Variants in PHF8 observed in about 807,000 individuals in gnomAD.
PHF8 encodes PHD finger protein 8.
Under a neutral mutation model 74.4 loss-of-function variants are expected in PHF8, and 9 were observed. The ratio of observed to expected loss-of-function variants is 0.12; its 90% confidence interval spans 0.07 to 0.21. The LOEUF (loss-of-function observed/expected upper bound fraction) is 0.21. Among genes scored for constraint, PHF8 ranks in the 10% least tolerant of loss-of-function variants. The pLI is 1.00. For missense variants in PHF8, 478 were observed against 816.6 expected (o/e 0.59, Z 5.05); for synonymous variants, 311 against 316.6 (o/e 0.98, Z 0.19).
rs1277499725 is a variant in PHF8 at position 54,013,897 on chromosome X, C to A, written c.783+480G>T. ...ACAACAACAAAAAAGAAGGTAACAACCAGGAAAACCTCAGGCATCTGCTAT... is the reference window on the plus strand; with the variant it reads ...ACAACAACAAAAAAGAAGGTAACAAACAGGAAAACCTCAGGCATCTGCTAT... On this transcript the variant is annotated intron_variant, in intron 7 of 21. Transcript: ENST00000338154. Among the ~76,000 whole-genome samples, 5 of 111,653 alleles carry A rather than the reference C, an allele frequency of 4.5e-5. No individual in the cohort carries two copies. In the East Asian group the frequency reaches 1.4e-3, roughly 31 times the overall value.
intron 18 of PHF8, among the ~76,000 whole-genome samples, chrX:53,974,780 C>T (rs1000803745): frequency 1.8e-5 from 2 of 111,963 alleles, no homozygotes; most frequent in Non-Finnish European, 3.8e-5. Context: ...GAGCTGGAAG[C>T]TGTTATTCTC....
chrX:53,977,637 C>T (rs1488436146), intron 18 of PHF8, among the ~76,000 whole-genome samples: 3 of 109,066 alleles, frequency 2.8e-5, no homozygotes, highest in Non-Finnish European at 5.7e-5. Flanking sequence ...TTCTGGGAAA[C>T]AGTTCAGTAG....
intron 18 of PHF8, among the ~76,000 whole-genome samples, chrX:53,976,581 C>G (rs782471166): frequency 9.2e-5 from 10 of 108,344 alleles, no homozygotes; most frequent in Non-Finnish European, 1.7e-4. Flanking sequence ...CACTTGAGGT[C>G]AGGAGTTTGA....
chrX:54,008,833 CAAAT>C (rs1213051377), intron 8 of PHF8, among the ~76,000 whole-genome samples: 1 of 111,545 alleles, frequency 9.0e-6, no homozygotes, highest in Non-Finnish European at 1.9e-5. Flanking sequence ...GGCTGGCAGA[CAAAT>C]GAATAAAGAG....
At chrX:54,046,340 T>C (rs1479566342), upstream of PHF8, among the ~76,000 whole-genome samples, 2 of 110,681 alleles carry the variant, frequency 1.8e-5, no homozygotes, top group African/African-American at 6.6e-5. Context: ...ATCCTAGCAC[T>C]TTGGGAGGCC....
At chrX:54,025,128 G>A (rs2066247331) in intron 2 of PHF8, among the ~76,000 whole-genome samples, 1 of 111,213 alleles carries the variant, frequency 9.0e-6, no homozygotes, top group Admixed American at 9.6e-5. Flanking sequence ...CGCCCGCCTC[G>A]GCCTCCCAAA....
intron 8 of PHF8, 67 bp downstream of exon 8, chrX:54,011,055 T>C: frequency 1.0e-6 from 1 of 965,622 alleles, no homozygotes; most frequent in Non-Finnish European, 1.5e-6. Flanking sequence ...TAATATGCTG[T>C]GGGGCCAAAA....
chrX:53,992,976 C>T (rs1295249018), intron 13 of PHF8, 137 bp from the exon 14 acceptor site: 2 of 503,435 alleles, frequency 4.0e-6, no homozygotes, highest in Admixed American at 2.7e-5. Context: ...ACTGTCCCCC[C>T]ATACCCCCAC....
At chrX:54,042,507 C>A in intron 2 of PHF8, 124 bp downstream of exon 2, 3 of 581,768 alleles carry the variant, frequency 5.2e-6, no homozygotes, top group Non-Finnish European at 8.6e-6. Flanking sequence ...GGAGAGATGG[C>A]AGAACCTGAG....
intron 2 of PHF8, among the ~76,000 whole-genome samples, chrX:54,035,597 C>T (rs2066439647): frequency 9.2e-6 from 1 of 109,153 alleles, no homozygotes; most frequent in Admixed American, 9.9e-5. Flanking sequence ...TCCCAGGCAA[C>T]AAAGGGAGGT....
intron 7 of PHF8, among the ~76,000 whole-genome samples, chrX:54,013,536 G>A (rs781979954): frequency 9.2e-4 from 103 of 111,600 alleles, no homozygotes; most frequent in Non-Finnish European, 1.4e-3. Flanking sequence ...AGGTAAGAAC[G>A]GCTGGGTGCA....
chrX:53,986,770 A>G (rs1357690797), intron 16 of PHF8, among the ~76,000 whole-genome samples: 1 of 109,497 alleles, frequency 9.1e-6, no homozygotes, highest in Non-Finnish European at 1.9e-5. Flanking sequence ...CTATCTCTAC[A>G]AAAAAAAATT....
At position 53,993,820 on chromosome X, in the gene PHF8, G is replaced by T. The variant is rs781797562; in HGVS notation, c.1407C>A (p.Thr469=). ...ACACTGAAGTGGAATGGGCTGGCCT[G>T]GTTAGGGGAATGGAGCCGGCTGGGA... ...RIFPAGSIPL[T]RPAHSTSVSM... Residue 469 remains threonine, a synonymous_variant, in exon 13 of 22, where the codon ACC becomes ACA. Coordinates refer to ENST00000338154, the MANE Select transcript of PHF8 (RefSeq NM_015107.3). 8.3e-7 allele frequency: 1 copy of T among 1,207,116 alleles called. No individual in the cohort carries two copies. Among genetic ancestry groups the T allele is most frequent in the South Asian group, 1.8e-5 (1 of 56,901 alleles).
intron 19 of PHF8, among the ~76,000 whole-genome samples, chrX:53,949,412 T>C (rs1288413294): frequency 2.7e-5 from 3 of 111,942 alleles, no homozygotes; most frequent in Non-Finnish European, 5.6e-5. Flanking sequence ...ACCAAATGCA[T>C]TGTGTAATCC....
intron 8 of PHF8, among the ~76,000 whole-genome samples, chrX:54,008,284 T>C (rs1219158175): frequency 9.2e-6 from 1 of 108,228 alleles, no homozygotes; most frequent in Non-Finnish European, 1.9e-5. Flanking sequence ...AGAGAATCGC[T>C]TGAACCTGGG....
intron 4 of PHF8, 57 bp from the exon 5 acceptor site, chrX:54,017,878 T>C: frequency 1.8e-6 from 2 of 1,103,340 alleles, no homozygotes; most frequent in Non-Finnish European, 2.5e-6. Context: ...AAAGGCCTTA[T>C]TGGAGGCTGC....
intron 19 of PHF8, among the ~76,000 whole-genome samples, chrX:53,961,822 G>C (rs782683194): frequency 2.7e-4 from 30 of 110,975 alleles, no homozygotes; most frequent in Admixed American, 8.8e-4. Flanking sequence ...GCAGACTGTT[G>C]CAGTAATGGC....
chrX:54,016,091 T>C (rs1256034913), intron 6 of PHF8, among the ~76,000 whole-genome samples: 4 of 111,583 alleles, frequency 3.6e-5, no homozygotes, highest in Non-Finnish European at 7.5e-5. Flanking sequence ...TATCCAATGC[T>C]AGAAACTGTG....
chrX:54,044,762 C>T, upstream of PHF8: 3 of 596,167 alleles, frequency 5.0e-6, no homozygotes, highest in East Asian at 3.9e-5. Context: ...GCACACTCCT[C>T]CTCCCCAGCC....
Sources: gnomAD v4.1 joint callset for allele counts (sites outside exome capture counted in the v4.1 genomes callset) on GRCh38, gnomAD v4.1.1 for gene constraint, MANE v1.5 for transcripts, NCBI Gene and HGNC (gene_info 2026-07-23, HGNC 2026-07-21) for gene names.